The following PPP3CC variants were observed in gnomAD, a reference collection of about 807,000 sequenced individuals.
The protein encoded by PPP3CC is protein phosphatase 3 catalytic subunit gamma.
A neutral mutation model predicts 60.3 loss-of-function variants in PPP3CC; 35 were observed. That is an observed-to-expected ratio of 0.58 (90% CI 0.44 to 0.77). The LOEUF is 0.77. PPP3CC is among the 30% of genes least tolerant of loss of function. The pLI is 0.00. For missense variants in PPP3CC, 570 were observed against 628.9 expected, an observed-to-expected ratio of 0.91 and a Z score of 1.00; for synonymous variants, 206 against 224.3, an observed-to-expected ratio of 0.92 and a Z score of 0.73.
intron 5 of PPP3CC, among the ~76,000 whole-genome samples, chr8:22,512,460 G>T (rs1185335353): frequency 6.6e-6 from 1 of 152,034 alleles, no homozygotes; most frequent in East Asian, 1.9e-4. Flanking sequence ...AAAGGCTTAA[G>T]TTAATAACTC....
intron 6 of PPP3CC, among the ~76,000 whole-genome samples, chr8:22,517,440 A>G (rs1289850928): frequency 1.7e-5 from 2 of 119,042 alleles, no homozygotes; most frequent in Admixed American, 8.5e-5. Context: ...ATTGGTATTA[A>G]TTCTTTTTTT....
intron 4 of PPP3CC, 63 bp from the exon 5 acceptor site, chr8:22,511,023 A>G (rs990023484): frequency 8.5e-6 from 13 of 1,535,038 alleles, no homozygotes; most frequent in East Asian, 2.3e-5. Context: ...CTCCTGGCCT[A>G]TATCCTTTTT....
rs1008137823 is a variant in PPP3CC, at chr8:22,490,024, C to T, written c.373-7977C>T. Among the ~76,000 whole-genome samples, 9 of 151,690 alleles carry T rather than the reference C, an allele frequency of 5.9e-5. No individual in the cohort carries two copies. The East Asian group carries it at 1.7e-3, about 29-fold the overall frequency. On this transcript the variant is annotated intron_variant, in intron 3 of 13. Coordinates refer to ENST00000240139, the MANE Select transcript of PPP3CC (RefSeq NM_005605.5). Reference sequence around the variant, plus strand: ...ATTTTTAGTAGAGACGAGGTTTCACCATGTTAGCCAGGGTGGTCTGGATCT... The same window carrying T: ...ATTTTTAGTAGAGACGAGGTTTCACTATGTTAGCCAGGGTGGTCTGGATCT...
chr8:22,446,016 A>G lies in PPP3CC; in HGVS notation c.49+4558A>G, dbSNP rs188509066. On this transcript the variant is annotated intron_variant, in intron 1 of 13. Coordinates refer to ENST00000240139, the MANE Select transcript of PPP3CC (RefSeq NM_005605.5). ...CGTTATTGGTTGTGATCAAAGCTTT[A>G]TTTATGGTCTGACATTTGATAATTA... 3.9e-5 allele frequency among the ~76,000 whole-genome samples: 6 copies of G among 152,262 alleles called. No individual in the cohort carries two copies. In the East Asian group the frequency reaches 1.2e-3, roughly 29 times the overall value.
At chr8:22,454,174 ATATCCT>A (rs1837120418) in intron 1 of PPP3CC, among the ~76,000 whole-genome samples, 2 of 152,206 alleles carry the variant, frequency 1.3e-5, no homozygotes, top group South Asian at 2.1e-4. Flanking sequence ...ATTTTCTTTC[ATATCCT>A]TATTCTTATA....
At chr8:22,450,325 G>A (rs760233414) in intron 1 of PPP3CC, among the ~76,000 whole-genome samples, 9 of 152,186 alleles carry the variant, frequency 5.9e-5, no homozygotes, top group Non-Finnish European at 8.8e-5. Context: ...AGGGGTGGTA[G>A]TGGGATAAAG....
At chr8:22,534,104 C>T (rs1839788689) in intron 12 of PPP3CC, among the ~76,000 whole-genome samples, 1 of 149,526 alleles carries the variant, frequency 6.7e-6, no homozygotes, top group Admixed American at 6.8e-5. Context: ...GAGGCTGAAG[C>T]ACTAGAATCA....
chr8:22,445,778 A>G (rs528268128), intron 1 of PPP3CC, among the ~76,000 whole-genome samples: 2 of 152,290 alleles, frequency 1.3e-5, no homozygotes, highest in African/African-American at 4.8e-5. Context: ...TTTAAAGTTG[A>G]TATCTCCTGG....
rs370871935 is a variant in PPP3CC, at chr8:22,536,024, G to T, written c.1321+3006G>T. Among the ~76,000 whole-genome samples, 26 of 152,296 alleles carry T rather than the reference G, an allele frequency of 1.7e-4. No individual in the cohort carries two copies. The East Asian group carries it at 1.7e-3, about 10-fold the overall frequency. ...TAGGATTACAGGCGTGAGCCACCGT[G>T]CCCAGCCCTTTTTTCTTTTTATAAG... On this transcript the variant is annotated intron_variant, in intron 12 of 13. Coordinates refer to ENST00000240139, the MANE Select transcript of PPP3CC (RefSeq NM_005605.5).
At chr8:22,442,218 G>T (rs1836693962) in intron 1 of PPP3CC, among the ~76,000 whole-genome samples, 1 of 152,134 alleles carries the variant, frequency 6.6e-6, no homozygotes, top group African/African-American at 2.4e-5. Context: ...TAATTTATGT[G>T]CTGCTTTTAT....
At chr8:22,492,629 G>C (rs1586829867) in intron 3 of PPP3CC, 2 of 624,298 alleles carry the variant, frequency 3.2e-6, no homozygotes, top group South Asian at 3.5e-5. Flanking sequence ...GAAACAAACA[G>C]TTATGAGCCA....
intron 3 of PPP3CC, among the ~76,000 whole-genome samples, chr8:22,490,629 A>G (rs1586827914): frequency 8.7e-6 from 1 of 115,432 alleles, no homozygotes; most frequent in Admixed American, 1.1e-4. Context: ...CAGGCCCCAG[A>G]GTGTGATGTT....
rs139378047 is a variant in PPP3CC, at chr8:22,456,433, T to C, written c.49+14975T>C. Among the ~76,000 whole-genome samples the C allele has an allele frequency of 7.2e-5, 11 of 152,328 alleles. No homozygotes were observed. In the East Asian group the frequency reaches 2.1e-3, roughly 29 times the overall value. On this transcript the variant is annotated intron_variant, in intron 1 of 13. Coordinates refer to ENST00000240139, the MANE Select transcript of PPP3CC (RefSeq NM_005605.5). The stretch of plus-strand genomic sequence containing the variant: ...TATTTAATTTTTATTTTGATAATTA[T>C]AGATTCACAGGAGGTTGTAAATAAA...
chr8:22,468,788 A>G (rs558381251), intron 1 of PPP3CC, among the ~76,000 whole-genome samples: 1 of 152,330 alleles, frequency 6.6e-6, no homozygotes, highest in Non-Finnish European at 1.5e-5. Context: ...AAGTATGACA[A>G]TCTATTTTCA....
chr8:22,515,956 TGAGAC>T (rs1839233063), intron 6 of PPP3CC, among the ~76,000 whole-genome samples: 1 of 151,062 alleles, frequency 6.6e-6, no homozygotes, highest in African/African-American at 2.4e-5. Flanking sequence ...TATTTTATTT[TGAGAC>T]AAGGTCTCTC....
chr8:22,441,112 G>C lies in PPP3CC; in HGVS notation c.-298G>C, dbSNP rs921817278. 1 of 284,638 alleles carries C rather than the reference G, an allele frequency of 3.5e-6. No homozygotes were observed. The highest frequency in any genetic ancestry group is 2.2e-5 in the African/African-American group (1 of 45,546). The allele number at this position is 284,638 out of a possible 1,614,324, so 17.6% of individuals were successfully genotyped here. ...AGGGCCCGGGCCGCGAGCAGCCGCG[G>C]CCGTCCCGGTCGCCACCCTTAGCAG... On this transcript the variant is annotated 5_prime_UTR_variant, in exon 1 of 14. Coordinates refer to ENST00000240139, the MANE Select transcript of PPP3CC (RefSeq NM_005605.5).
intron 9 of PPP3CC, 93 bp downstream of exon 9, chr8:22,527,610 C>A: frequency 7.2e-7 from 1 of 1,395,006 alleles, no homozygotes; most frequent in South Asian, 1.4e-5. Context: ...GAAATGTTTT[C>A]TAATTTTGTT....
intron 3 of PPP3CC, among the ~76,000 whole-genome samples, chr8:22,476,363 C>A (rs558344989): frequency 4.6e-5 from 7 of 152,180 alleles, no homozygotes; most frequent in African/African-American, 1.7e-4. Flanking sequence ...TGTAATGTGA[C>A]CAAGAATAAG....
chr8:22,526,111 G>T (rs1439259235), intron 8 of PPP3CC, among the ~76,000 whole-genome samples: 2 of 150,830 alleles, frequency 1.3e-5, no homozygotes, highest in African/African-American at 4.9e-5. Flanking sequence ...CAGGCAATCT[G>T]CCCACCTCGG....
Sources: gnomAD v4.1 joint callset for allele counts (sites outside exome capture counted in the v4.1 genomes callset) on GRCh38, gnomAD v4.1.1 for gene constraint, MANE v1.5 for transcripts, NCBI Gene and HGNC (gene_info 2026-07-23, HGNC 2026-07-21) for gene names.